The following ZNF713 variants were observed in gnomAD, a reference collection of about 807,000 sequenced individuals.
ZNF713 encodes the protein zinc finger protein 713.
A neutral mutation model predicts 28.7 loss-of-function variants in ZNF713; 21 were observed. The observed-to-expected ratio is 0.73, with a 90% confidence interval of 0.52 to 1.05. The LOEUF is 1.05. Ranked by LOEUF, ZNF713 falls within the 50% of genes least tolerant of loss-of-function variation. The pLI is 0.00. For synonymous variants in ZNF713, 167 were observed against 178.0 expected (o/e 0.94, Z 0.49); for missense variants, 458 against 532.4 (o/e 0.86, Z 1.37).
intron 4 of ZNF713, chr7:55,918,281 A>G (rs1404399134): frequency 7.8e-6 from 2 of 255,564 alleles, no homozygotes; most frequent in African/African-American, 4.4e-5. Flanking sequence ...GAAAGCCAGT[A>G]CCAATTTGCC....
chr7:55,908,576 G>A (rs957136554), intron 2 of ZNF713, among the ~76,000 whole-genome samples: 2 of 150,794 alleles, frequency 1.3e-5, no homozygotes, highest in African/African-American at 4.9e-5. Context: ...TTGGCTGCTC[G>A]TATGTCCCAC....
At chr7:55,910,155 A>G (rs1306082077) in intron 2 of ZNF713, among the ~76,000 whole-genome samples, 2 of 151,294 alleles carry the variant, frequency 1.3e-5, no homozygotes, top group Non-Finnish European at 3.0e-5. Flanking sequence ...GCCACTGTAC[A>G]CTAATTTGTA....
rs200710334 is a variant in ZNF713 at position 55,912,710 on chromosome 7, T to C, written c.74T>C (p.Met25Thr). ...GAAGAAATGAATGATGGCTCACAGA[T>C]GGTGAGATCTCAGGTAAGTTCAGTT... The part of the protein sequence containing the change: ...EEEEMNDGSQ[M>T]VRSQESLTFQ... The change falls in exon 4 of 7, where the codon ATG becomes ACG. Residue 25 changes from methionine to threonine, a missense_variant. Met to Thr is a moderately conservative substitution (Grantham distance 81). Transcript: ENST00000429591. 5.0e-6 allele frequency: 8 copies of C among 1,613,342 alleles called. No individual in the cohort carries two copies. Among genetic ancestry groups the C allele is most frequent in the Middle Eastern group, 1.6e-4 (1 of 6,062 alleles).
chr7:55,932,371 A>C (rs1786228008), intron 6 of ZNF713, among the ~76,000 whole-genome samples: 1 of 151,456 alleles, frequency 6.6e-6, no homozygotes, highest in African/African-American at 2.4e-5. Context: ...TCTACCAAAA[A>C]AAAAAAGGCA....
chr7:55,887,839 G>GGC lies in ZNF713; in HGVS notation c.-583+160_-583+161insCG, dbSNP rs1335277893. Among the ~76,000 whole-genome samples the GGC allele has an allele frequency of 2.3e-3, 35 of 15,534 alleles. 13 individuals carry two copies. Among genetic ancestry groups the GGC allele is most frequent in the Non-Finnish European group, 5.0e-3 (28 of 5,640 alleles). 10.2% of individuals were successfully genotyped at this position (15,534 alleles called of 152,430 possible). A position where few individuals can be genotyped will look rare whatever the true frequency, so the allele number is the denominator to read the frequency against. On this transcript the variant is annotated intron_variant, in intron 1 of 6. Coordinates refer to ENST00000429591, the MANE Select transcript of ZNF713 (RefSeq NM_182633.3). ...CGGCGGGCGGCGGGCGGCGGGCGGC[G>GGC]GGCGGCGGCGGCGGCGGGCGGCGGG...
At chr7:55,888,335 CTT>C (rs1562732195) in intron 1 of ZNF713, among the ~76,000 whole-genome samples, 1 of 152,096 alleles carries the variant, frequency 6.6e-6, no homozygotes, top group Non-Finnish European at 1.5e-5. Flanking sequence ...TGCAGTGACA[CTT>C]TTATTACATT....
In ZNF713 at chr7:55,906,380, G is replaced by A. The variant is rs1785679650; in HGVS notation, c.-456+1G>A. On this transcript the variant is annotated splice_donor_variant, in intron 2 of 6. Transcript: ENST00000429591. LOFTEE classifies it low-confidence loss of function (5UTR_SPLICE). ...TCAGCAATCCCATCAGGTGTTTTGGGTAAGTTCTCCTGAATTCAGACCTCC... is the reference window on the plus strand; with the variant it reads ...TCAGCAATCCCATCAGGTGTTTTGGATAAGTTCTCCTGAATTCAGACCTCC... 1 of 152,176 alleles carries A rather than the reference G, an allele frequency of 6.6e-6. No individual in the cohort carries two copies. Among genetic ancestry groups the A allele is most frequent in the African/African-American group, 2.4e-5 (1 of 41,440 alleles). 9.4% of individuals were successfully genotyped at this position (152,176 alleles called of 1,614,324 possible). A position where few individuals can be genotyped will look rare whatever the true frequency, so the allele number is the denominator to read the frequency against.
At chr7:55,902,688 A>G (rs1248347836) in intron 1 of ZNF713, among the ~76,000 whole-genome samples, 3 of 152,220 alleles carry the variant, frequency 2.0e-5, no homozygotes, top group Non-Finnish European at 4.4e-5. Flanking sequence ...AAAAGTGTCA[A>G]GCTCATGAAA....
At chr7:55,904,274 C>T (rs1443197981) in intron 1 of ZNF713, among the ~76,000 whole-genome samples, 1 of 111,596 alleles carries the variant, frequency 9.0e-6, no homozygotes, top group Non-Finnish European at 2.0e-5. Flanking sequence ...CCAGCCTCGG[C>T]AACGTGGTGA....
At chr7:55,895,296 G>A (rs1414220750) in intron 1 of ZNF713, among the ~76,000 whole-genome samples, 1 of 152,134 alleles carries the variant, frequency 6.6e-6, no homozygotes, top group Non-Finnish European at 1.5e-5. Context: ...TGATTAGATA[G>A]AGAGCCTAAG....
chr7:55,900,252 G>A (rs1318342243), intron 1 of ZNF713, among the ~76,000 whole-genome samples: 3 of 152,134 alleles, frequency 2.0e-5, no homozygotes, highest in Admixed American at 6.5e-5. Context: ...GGCGGATCAC[G>A]AGGTCAGGAG....
intron 6 of ZNF713, among the ~76,000 whole-genome samples, chr7:55,926,348 A>G (rs895774771): frequency 2.0e-5 from 3 of 152,192 alleles, no homozygotes; most frequent in Non-Finnish European, 4.4e-5. Context: ...TTCATTGTGC[A>G]TCTATATGTG....
At chr7:55,938,864 G>T in intron 6 of ZNF713, 118 bp from the exon 7 acceptor site, 1 of 1,057,630 alleles carries the variant, frequency 9.5e-7, no homozygotes, top group East Asian at 2.5e-5. Flanking sequence ...TGCCGTGTAT[G>T]CCTTGTACAC....
intron 1 of ZNF713, among the ~76,000 whole-genome samples, chr7:55,900,497 A>G (rs926571141): frequency 9.2e-5 from 14 of 152,184 alleles, no homozygotes; most frequent in African/African-American, 3.1e-4. Flanking sequence ...TATATACACA[A>G]TGGAATACTA....
At chr7:55,938,073 A>G (rs767351122) in intron 6 of ZNF713, among the ~76,000 whole-genome samples, 19 of 152,002 alleles carry the variant, frequency 1.2e-4, no homozygotes, top group Non-Finnish European at 2.5e-4. Flanking sequence ...GTGTGATGGT[A>G]CATACCTGTA....
At position 55,925,493 on chromosome 7, in the gene ZNF713, C is replaced by T. The variant is rs1049187718; in HGVS notation, c.307+1794C>T. ...AAAATTAGCCAGGCGTGGTGACGTG[C>T]GCCTGTAGTCCTAGCTACCTGGGAG... On this transcript the variant is annotated intron_variant, in intron 6 of 6. Coordinates refer to ENST00000429591, the MANE Select transcript of ZNF713 (RefSeq NM_182633.3). 4.4e-4 allele frequency among the ~76,000 whole-genome samples: 67 copies of T among 152,132 alleles called. 1 individual carries two copies. The highest frequency in any genetic ancestry group is 3.4e-3 in the Middle Eastern group (1 of 294).
At chr7:55,907,039 G>A (rs1253144224) in intron 2 of ZNF713, among the ~76,000 whole-genome samples, 2 of 152,046 alleles carry the variant, frequency 1.3e-5, no homozygotes, top group African/African-American at 4.8e-5. Context: ...AACGTTTTCT[G>A]GAGCAAGGAA....
intron 1 of ZNF713, among the ~76,000 whole-genome samples, chr7:55,892,765 G>A (rs111284263): frequency 1.3e-3 from 202 of 150,786 alleles, no homozygotes; most frequent in Non-Finnish European, 2.1e-3. Context: ...CCAGCTACTC[G>A]GGAGGCTGAA....
At chr7:55,897,453 C>CT (rs998679116) in intron 1 of ZNF713, among the ~76,000 whole-genome samples, 114 of 150,496 alleles carry the variant, frequency 7.6e-4, no homozygotes, top group African/African-American at 2.6e-3. Flanking sequence ...CTAATTTTTT[C>CT]TTTTTTTTTC....
Sources: allele counts gnomAD v4.1 joint callset (sites outside exome capture counted in the v4.1 genomes callset), GRCh38; gene constraint gnomAD v4.1.1; transcripts MANE v1.5; gene names NCBI Gene and HGNC (gene_info 2026-07-23, HGNC 2026-07-21).